Variants in REV1 observed in about 807,000 individuals in gnomAD.
REV1 encodes translesion synthesis protein REV1.
Under a neutral mutation model 137.4 loss-of-function variants are expected in REV1, and 42 were observed. That is an observed-to-expected ratio of 0.31 (90% CI 0.24 to 0.40). REV1 has a LOEUF of 0.40. REV1 is among the 10% of genes least tolerant of loss of function. The pLI, the probability that REV1 is intolerant of heterozygous loss-of-function variation, is 1.00. For synonymous variants in REV1, 524 were observed against 519.2 expected, an observed-to-expected ratio of 1.01 and a Z score of -0.12; for missense variants, 1,282 against 1,490.1, an observed-to-expected ratio of 0.86 and a Z score of 2.30.
intron 1 of REV1, among the ~76,000 whole-genome samples, chr2:99,466,520 G>C (rs1684814662): frequency 6.6e-6 from 1 of 152,200 alleles, no homozygotes; most frequent in African/African-American, 2.4e-5. Flanking sequence ...AGGATTACAG[G>C]CATGAGCCAC....
chr2:99,439,756 T>C (rs1284144245), intron 5 of REV1, among the ~76,000 whole-genome samples: 2 of 152,228 alleles, frequency 1.3e-5, no homozygotes, highest in Non-Finnish European at 2.9e-5. Context: ...ATTTACTACA[T>C]GGTCAATAAA....
chr2:99,412,061 G>A (rs1677234666), intron 13 of REV1, among the ~76,000 whole-genome samples: 1 of 151,680 alleles, frequency 6.6e-6, no homozygotes, highest in South Asian at 2.1e-4. Flanking sequence ...GTGAAACCAC[G>A]TCTCTACTAA....
intron 15 of REV1, chr2:99,407,077 G>GTTTTTTTTTTTTTT (rs1293864331): frequency 1.3e-4 from 6 of 46,772 alleles, no homozygotes; most frequent in Admixed American, 3.1e-4. Context: ...ACCTACAAAG[G>GTTTTTTTTTTTTTT]TTCTTTTTTT....
chr2:99,439,984 G>A (rs367794598), intron 5 of REV1, among the ~76,000 whole-genome samples: 2 of 152,174 alleles, frequency 1.3e-5, no homozygotes, highest in Admixed American at 6.5e-5. Flanking sequence ...GTAAAGCCAT[G>A]TCAATGTGTG....
Position 99,465,073 on chromosome 2 carries a change from A to C in REV1, c.-10-88T>G, listed in dbSNP as rs975577221. ...TTATTTCAATATCAAGAAAATGAGAAATTAAATTCAAATGTCCAACTGATG... is the reference window on the plus strand; with the variant it reads ...TTATTTCAATATCAAGAAAATGAGACATTAAATTCAAATGTCCAACTGATG... On this transcript the variant is annotated intron_variant, in intron 1 of 22. Coordinates refer to ENST00000258428, the MANE Select transcript of REV1 (RefSeq NM_016316.4). The C allele has an allele frequency of 2.6e-6, 3 of 1,144,210 alleles. No individual in the cohort carries two copies. In the Admixed American group the frequency reaches 6.3e-5, roughly 24 times the overall value. 70.9% of individuals were successfully genotyped at this position (1,144,210 alleles called of 1,614,324 possible).
At chr2:99,408,885 C>T (rs1676707761) in intron 14 of REV1, among the ~76,000 whole-genome samples, 1 of 152,158 alleles carries the variant, frequency 6.6e-6, no homozygotes, top group African/African-American at 2.4e-5. Flanking sequence ...AAATGAAGTT[C>T]CAGGCCATTA....
At chr2:99,441,041 A>G (rs990691647) in intron 5 of REV1, among the ~76,000 whole-genome samples, 1 of 152,240 alleles carries the variant, frequency 6.6e-6, no homozygotes, top group African/African-American at 2.4e-5. Context: ...ATTTCTTCCT[A>G]AAGTGTCACA....
At chr2:99,418,806 T>C in intron 12 of REV1, 22 bp downstream of exon 12, 1 of 1,599,602 alleles carries the variant, frequency 6.3e-7, no homozygotes. Flanking sequence ...AATAAAAGTA[T>C]TGTTAAAATA....
rs1575286717 is a variant in REV1 at position 99,489,941 on chromosome 2, C to G, written c.-135G>C. 5 of 150,026 alleles carry G rather than the reference C, an allele frequency of 3.3e-5. 1 individual carries two copies. Among genetic ancestry groups the G allele is most frequent in the Admixed American group, 3.3e-4 (5 of 15,124 alleles). The allele number at this position is 150,026 out of a possible 1,614,324, so 9.3% of individuals were successfully genotyped here. The stretch of plus-strand genomic sequence containing the variant: ...GGAGGAGGGCCGGGGGAAGGCAGCC[C>G]CACCGCTGAGCAGCGCCGCGGTCCA... On this transcript the variant is annotated 5_prime_UTR_variant, in exon 1 of 23. Transcript: ENST00000258428.
chr2:99,427,745 T>C (rs746428956), intron 9 of REV1, among the ~76,000 whole-genome samples: 7 of 152,096 alleles, frequency 4.6e-5, no homozygotes, highest in Non-Finnish European at 8.8e-5. Context: ...AAAATCACAA[T>C]TAAGGGACAA....
chr2:99,473,699 A>T (rs1008328844), intron 1 of REV1, among the ~76,000 whole-genome samples: 3 of 152,226 alleles, frequency 2.0e-5, no homozygotes, highest in African/African-American at 4.8e-5. Flanking sequence ...TTTCTGCTGC[A>T]ATAAAACAAT....
intron 7 of REV1, chr2:99,435,516 C>T (rs934164438): frequency 1.8e-5 from 3 of 164,894 alleles, no homozygotes; most frequent in African/African-American, 7.2e-5. Flanking sequence ...ACAAGAGCCA[C>T]CATAAAATTT....
chr2:99,440,564 G>A (rs1681353691), intron 5 of REV1, among the ~76,000 whole-genome samples: 1 of 152,240 alleles, frequency 6.6e-6, no homozygotes, highest in South Asian at 2.1e-4. Flanking sequence ...CATGCTCACA[G>A]ATGATCATGC....
intron 1 of REV1, among the ~76,000 whole-genome samples, chr2:99,486,093 C>A (rs2104318397): frequency 6.6e-6 from 1 of 152,258 alleles, no homozygotes; most frequent in Non-Finnish European, 1.5e-5. Context: ...CCACTGCATT[C>A]CAGCTTGGGC....
At chr2:99,467,761 G>A (rs1477673965) in intron 1 of REV1, among the ~76,000 whole-genome samples, 2 of 152,200 alleles carry the variant, frequency 1.3e-5, no homozygotes, top group African/African-American at 2.4e-5. Context: ...TAAGGTGATC[G>A]TGGGCCAGGC....
intron 12 of REV1, among the ~76,000 whole-genome samples, chr2:99,414,306 A>G (rs1384757141): frequency 3.9e-5 from 6 of 152,252 alleles, no homozygotes; most frequent in Non-Finnish European, 5.9e-5. Context: ...GAAGTCATCA[A>G]TGTGGGTCAG....
intron 4 of REV1, among the ~76,000 whole-genome samples, chr2:99,448,665 C>T (rs923723147): frequency 1.3e-5 from 2 of 152,164 alleles, no homozygotes; most frequent in South Asian, 4.1e-4. Context: ...CTTTCTCTCC[C>T]AACAGAATAT....
intron 2 of REV1, chr2:99,462,856 G>A: frequency 2.8e-6 from 1 of 357,944 alleles, no homozygotes. Flanking sequence ...GGGAAGCTGA[G>A]GCAGGCGGAT....
intron 1 of REV1, among the ~76,000 whole-genome samples, chr2:99,482,918 G>A (rs1461872847): frequency 6.6e-6 from 1 of 151,546 alleles, no homozygotes; most frequent in Admixed American, 6.6e-5. Flanking sequence ...TTGGGAGGCT[G>A]AGGCAGGACA....
Sources: allele counts gnomAD v4.1 joint callset (sites outside exome capture counted in the v4.1 genomes callset), GRCh38; gene constraint gnomAD v4.1.1; transcripts MANE v1.5; gene names NCBI Gene and HGNC (gene_info 2026-07-23, HGNC 2026-07-21).